BCL7A: variants seen among roughly 807,000 people sequenced by gnomAD.
The protein encoded by BCL7A is BAF chromatin remodeling complex subunit BCL7A.
A neutral mutation model predicts 28.4 loss-of-function variants in BCL7A; 11 were observed. That is an observed-to-expected ratio of 0.39 (90% CI 0.24 to 0.64). BCL7A has a LOEUF of 0.64. Among genes scored for constraint, BCL7A ranks in the 30% least tolerant of loss-of-function variants. BCL7A has a pLI of 0.50. For missense variants in BCL7A, 222 were observed against 274.8 expected (o/e 0.81, Z 1.36); for synonymous variants, 123 against 103.3 (o/e 1.19, Z -1.15).
At chr12:122,037,480 A>G (rs1883879253) in intron 3 of BCL7A, among the ~76,000 whole-genome samples, 1 of 152,346 alleles carries the variant, frequency 6.6e-6, no homozygotes, top group African/African-American at 2.4e-5. Flanking sequence ...TGGAAAACAC[A>G]GTCACCAGCT....
Position 122,060,458 on chromosome 12 carries a change from C to G in BCL7A, c.*1295C>G, listed in dbSNP as rs1951911899. On this transcript the variant is annotated 3_prime_UTR_variant, in exon 6 of 6. Transcript: ENST00000261822. ...AATCTCCCCTCCCTCCCATCCCCCA[C>G]CTTCGCTGGAACAGCTTCCTCTCAC... 4.3e-6 allele frequency: 1 copy of G among 233,032 alleles called. No homozygotes were observed. The highest frequency in any genetic ancestry group is 2.2e-5 in the African/African-American group (1 of 45,300). 14.4% of individuals were successfully genotyped at this position (233,032 alleles called of 1,614,324 possible).
At chr12:122,037,344 T>C (rs1198776439) in intron 3 of BCL7A, among the ~76,000 whole-genome samples, 1 of 152,220 alleles carries the variant, frequency 6.6e-6, no homozygotes, top group East Asian at 1.9e-4. Flanking sequence ...AGTAGACAAA[T>C]AACTAAAAAA....
At position 122,055,423 on chromosome 12, in the gene BCL7A, G is replaced by C. The variant is rs575183505; in HGVS notation, c.561+497G>C. Reference sequence around the variant, plus strand: ...AGTCAGCACAGGTGCAGTGGGGCCCGGTGGTTAGGAGCAAACCTCCCAGAG... The same window carrying C: ...AGTCAGCACAGGTGCAGTGGGGCCCCGTGGTTAGGAGCAAACCTCCCAGAG... On this transcript the variant is annotated intron_variant, in intron 5 of 5. Transcript: ENST00000261822. 1.4e-4 allele frequency among the ~76,000 whole-genome samples: 21 copies of C among 152,294 alleles called. No individual in the cohort carries two copies. In the South Asian group the frequency reaches 4.1e-3, roughly 30 times the overall value.
chr12:122,051,813 G>A (rs1187869623), intron 4 of BCL7A, among the ~76,000 whole-genome samples: 2 of 148,108 alleles, frequency 1.4e-5, no homozygotes, highest in Non-Finnish European at 1.5e-5. Context: ...TTATGTTAAA[G>A]CAAACATTTA....
At chr12:122,048,191 C>G (rs1884115883) in intron 4 of BCL7A, among the ~76,000 whole-genome samples, 1 of 151,430 alleles carries the variant, frequency 6.6e-6, no homozygotes, top group Non-Finnish European at 1.5e-5. Context: ...GCGTGAGCCA[C>G]TGCGCCTAGG....
chr12:122,028,343 G>C (rs989715932), intron 1 of BCL7A, among the ~76,000 whole-genome samples: 10 of 152,130 alleles, frequency 6.6e-5, no homozygotes, highest in African/African-American at 2.4e-4. Context: ...GCTGATTTGC[G>C]GCCGCAAAGC....
intron 4 of BCL7A, among the ~76,000 whole-genome samples, chr12:122,046,273 G>A (rs1338044313): frequency 6.6e-6 from 1 of 151,630 alleles, no homozygotes; most frequent in Non-Finnish European, 1.5e-5. Flanking sequence ...AGCGGGTCTG[G>A]GGAGGGCAGG....
In BCL7A at chr12:122,042,342, A is replaced by T. The variant is rs551136781; in HGVS notation, c.272-1544A>T. ...TGTGTTAGATTTTTGTAATTAAAAT[A>T]TAATTCACATATAAAAAATACACAG... On this transcript the variant is annotated intron_variant, in intron 3 of 5. Coordinates refer to ENST00000261822, the MANE Select transcript of BCL7A (RefSeq NM_001024808.3). Among the ~76,000 whole-genome samples, 267 of 152,278 alleles carry T rather than the reference A, an allele frequency of 1.8e-3. 1 individual carries two copies. The highest frequency in any genetic ancestry group is 6.2e-3 in the African/African-American group (257 of 41,562).
rs1167880798 is a variant in BCL7A at position 122,029,519 on chromosome 12, T to C, written c.93-1181T>C. ...GAGGTGCTCGTGCCACACAGAATTC[T>C]CAGTTCTGGGAATTTTTGTCACCAA... On this transcript the variant is annotated intron_variant, in intron 1 of 5. Transcript: ENST00000261822. This position sits in a 1 kb window ranked among gnomAD's most constrained non-coding sequence, Gnocchi z 4.3. 6.6e-6 allele frequency among the ~76,000 whole-genome samples: 1 copy of C among 152,182 alleles called. No individual in the cohort carries two copies. Among genetic ancestry groups the C allele is most frequent in the Non-Finnish European group, 1.5e-5 (1 of 68,024 alleles).
At chr12:122,053,275 C>T (rs559642849) in intron 4 of BCL7A, among the ~76,000 whole-genome samples, 2 of 152,336 alleles carry the variant, frequency 1.3e-5, no homozygotes, top group East Asian at 1.9e-4. Context: ...GGATTATAGG[C>T]GTGAGCCGCC....
chr12:122,034,426 A>C (rs1388401647), intron 2 of BCL7A, among the ~76,000 whole-genome samples: 24 of 16,996 alleles, frequency 1.4e-3, no homozygotes, highest in Non-Finnish European at 6.3e-3. Context: ...TTCCTTTCGT[A>C]AAAAAAAAAA....
At chr12:122,044,380 C>T (rs1336453318) in intron 4 of BCL7A, 3 of 238,622 alleles carry the variant, frequency 1.3e-5, no homozygotes, top group Non-Finnish European at 2.4e-5. Flanking sequence ...TGGTGGCACA[C>T]ACCTGTGATC....
In BCL7A at chr12:122,059,384, T is replaced by G; in HGVS notation, c.*221T>G. 1 of 487,790 alleles carries G rather than the reference T, an allele frequency of 2.1e-6. No homozygotes were observed. Among genetic ancestry groups the G allele is most frequent in the South Asian group, 2.6e-5 (1 of 38,142 alleles). 30.2% of individuals were successfully genotyped at this position (487,790 alleles called of 1,614,324 possible). On this transcript the variant is annotated 3_prime_UTR_variant, in exon 6 of 6. Coordinates refer to ENST00000261822, the MANE Select transcript of BCL7A (RefSeq NM_001024808.3). The surrounding 1 kb of genome is among the most constrained non-coding windows in gnomAD (Gnocchi z 4.0). ...ACTCAAACCTTTAAGGGACTGTCCT[T>G]GGGGAGGCAGGCGGGGCTGACAGCT...
chr12:122,023,076 A>G (rs1883509289), intron 1 of BCL7A, among the ~76,000 whole-genome samples: 3 of 152,128 alleles, frequency 2.0e-5, no homozygotes, highest in South Asian at 4.1e-4. Flanking sequence ...TCGGGATCAC[A>G]TTAGCGTCCG....
At position 122,061,310 on chromosome 12, in the gene BCL7A, T is replaced by C; in HGVS notation, c.*2147T>C. ...GCCTCTCTGGACAGGCAAGGGGAGT[T>C]GGCGCAGGTGAGGACTCAGACGACG... On this transcript the variant is annotated 3_prime_UTR_variant, in exon 6 of 6. Transcript: ENST00000261822. 2 of 231,260 alleles carry C rather than the reference T, an allele frequency of 8.6e-6. No homozygotes were observed. Among genetic ancestry groups the C allele is most frequent in the Non-Finnish European group, 1.7e-5 (2 of 116,826 alleles). 14.3% of individuals were successfully genotyped at this position (231,260 alleles called of 1,614,324 possible). A position where few individuals can be genotyped will look rare whatever the true frequency, so the allele number is the denominator to read the frequency against.
At chr12:122,047,699 A>C (rs1565941113) in intron 4 of BCL7A, among the ~76,000 whole-genome samples, 3 of 151,656 alleles carry the variant, frequency 2.0e-5, no homozygotes, top group African/African-American at 7.3e-5. Context: ...TAATGTTTAT[A>C]GTTTTTTGTA....
intron 1 of BCL7A, among the ~76,000 whole-genome samples, chr12:122,027,862 A>G (rs1883662831): frequency 6.6e-6 from 1 of 152,276 alleles, no homozygotes; most frequent in African/African-American, 2.4e-5. Context: ...ATAAAAAAAT[A>G]AGAAAGTGAT....
intron 5 of BCL7A, among the ~76,000 whole-genome samples, chr12:122,057,535 G>C (rs543292872): frequency 4.6e-5 from 7 of 152,300 alleles, no homozygotes; most frequent in Admixed American, 1.3e-4. Context: ...GGGTTGGAGG[G>C]GGGGTGCGGG....
intron 3 of BCL7A, among the ~76,000 whole-genome samples, chr12:122,043,628 C>T (rs1427159066): frequency 6.6e-6 from 1 of 151,696 alleles, no homozygotes; most frequent in Non-Finnish European, 1.5e-5. Flanking sequence ...CAAAATTAGC[C>T]AGGCGTGGTG....
Sources: gnomAD v4.1 joint callset for allele counts (sites outside exome capture counted in the v4.1 genomes callset) on GRCh38, gnomAD v4.1.1 for gene constraint, Gnocchi (gnomAD v3.1) non-coding constraint, MANE v1.5 for transcripts, NCBI Gene and HGNC (gene_info 2026-07-23, HGNC 2026-07-21) for gene names.